VAV1: variants seen among roughly 807,000 people sequenced by gnomAD.
VAV1 encodes the protein proto-oncogene vav.
Under a neutral mutation model 128.1 loss-of-function variants are expected in VAV1, and 33 were observed. The ratio of observed to expected loss-of-function variants is 0.26; its 90% confidence interval spans 0.20 to 0.34. The LOEUF is 0.34. Ranked by LOEUF, VAV1 falls within the 10% of genes least tolerant of loss-of-function variation. VAV1 has a pLI of 1.00. For missense variants in VAV1, 715 were observed against 1,093.7 expected (o/e 0.65, Z 4.88); for synonymous variants, 394 against 409.8 (o/e 0.96, Z 0.47).
intron 26 of VAV1, among the ~76,000 whole-genome samples, chr19:6,856,730 G>GA (rs1222535432): frequency 0.013 from 929 of 68,844 alleles, 9 homozygotes; most frequent in African/African-American, 0.021. Context: ...TCTCAAAAAA[G>GA]AAAAAAAAAA....
At chr19:6,814,689 T>TTTCC (rs1971597044) in intron 1 of VAV1, among the ~76,000 whole-genome samples, 1 of 121,576 alleles carries the variant, frequency 8.2e-6, no homozygotes, top group Non-Finnish European at 1.6e-5. Flanking sequence ...TCTTTCTTTC[T>TTTCC]TTCTTTCTTT....
At chr19:6,784,576 C>T (rs1324162426) in intron 1 of VAV1, among the ~76,000 whole-genome samples, 1 of 151,766 alleles carries the variant, frequency 6.6e-6, no homozygotes, top group Admixed American at 6.6e-5. Context: ...TCACGGCAGC[C>T]TCCGCCTCCC....
At chr19:6,824,158 C>A (rs1971859072) in intron 6 of VAV1, among the ~76,000 whole-genome samples, 1 of 152,044 alleles carries the variant, frequency 6.6e-6, no homozygotes, top group Non-Finnish European at 1.5e-5. Flanking sequence ...CCAGGCTGGT[C>A]TCCTACTCCT....
At chr19:6,853,893 A>G (rs1972726392) in intron 25 of VAV1, 54 bp from the exon 26 acceptor site, 1 of 1,584,336 alleles carries the variant, frequency 6.3e-7, no homozygotes, top group East Asian at 2.2e-5. Context: ...GCCCCCAGAG[A>G]GTGAGTGGGT....
intron 23 of VAV1, among the ~76,000 whole-genome samples, chr19:6,849,873 G>C (rs1184220200): frequency 3.3e-5 from 5 of 152,116 alleles, no homozygotes. Context: ...CTTTGCTATT[G>C]TGAATGCTGC....
At chr19:6,800,823 CA>C (rs1971250630) in intron 1 of VAV1, among the ~76,000 whole-genome samples, 1 of 140,904 alleles carries the variant, frequency 7.1e-6, no homozygotes, top group African/African-American at 2.5e-5. Flanking sequence ...GTCGGGGTTT[CA>C]CCATGTTGCC....
chr19:6,837,156 C>A, intron 21 of VAV1, 106 bp downstream of exon 21: 3 of 1,194,228 alleles, frequency 2.5e-6, no homozygotes, highest in Non-Finnish European at 3.7e-6. Flanking sequence ...AGGGGGCTGC[C>A]CATCATGGCA....
chr19:6,795,344 C>G (rs980354376), intron 1 of VAV1, among the ~76,000 whole-genome samples: 3 of 152,066 alleles, frequency 2.0e-5, no homozygotes, highest in Non-Finnish European at 4.4e-5. Context: ...GAGCAAATGA[C>G]CCTCCTTCTC....
chr19:6,811,293 C>T (rs1449022301), intron 1 of VAV1, among the ~76,000 whole-genome samples: 1 of 152,204 alleles, frequency 6.6e-6, no homozygotes, highest in African/African-American at 2.4e-5. Flanking sequence ...TCTTCGGCCT[C>T]CCATAGTGCT....
chr19:6,817,227 G>T (rs1367210583), intron 1 of VAV1, among the ~76,000 whole-genome samples: 1 of 150,414 alleles, frequency 6.6e-6, no homozygotes, highest in Non-Finnish European at 1.5e-5. Context: ...TTTTTTGTTT[G>T]TTTTTTTGGT....
chr19:6,803,114 A>G (rs1971310072), intron 1 of VAV1, among the ~76,000 whole-genome samples: 1 of 152,166 alleles, frequency 6.6e-6, no homozygotes, highest in Non-Finnish European at 1.5e-5. Flanking sequence ...TTTGCCCAGG[A>G]AAGAATTCCA....
At position 6,852,954 on chromosome 19, in the gene VAV1, C is replaced by A; in HGVS notation, c.2218-11C>A. On this transcript the variant is annotated splice_polypyrimidine_tract_variant and intron_variant, in intron 24 of 26. Transcript: ENST00000602142. Reference sequence around the variant, plus strand: ...GCTGGGATAGCATCTGCCATGTGGTCCGCCTTCTAGGAGCTGGTGGAGTTT... The same window carrying A: ...GCTGGGATAGCATCTGCCATGTGGTACGCCTTCTAGGAGCTGGTGGAGTTT... 2 of 1,605,264 alleles carry A rather than the reference C, an allele frequency of 1.2e-6. No individual in the cohort carries two copies. The highest frequency in any genetic ancestry group is 2.2e-5 in the South Asian group (2 of 90,778).
At chr19:6,787,573 G>GATTTATTTATTTATTTATTTATTT (rs74174839) in intron 1 of VAV1, among the ~76,000 whole-genome samples, 6 of 147,196 alleles carry the variant, frequency 4.1e-5, no homozygotes, top group African/African-American at 1.5e-4. Context: ...AACTACTCCA[G>GATTTATTTATTTATTTATTTATTT]ATTTATTTAT....
At position 6,833,926 on chromosome 19, in the gene VAV1, G is replaced by T; in HGVS notation, c.1750G>T (p.Ala584Ser). 1 of 1,614,072 alleles carries T rather than the reference G, an allele frequency of 6.2e-7. No homozygotes were observed. Among genetic ancestry groups the T allele is most frequent in the Non-Finnish European group, 8.5e-7 (1 of 1,180,034 alleles). The change falls in exon 19 of 27, where the codon GCT (alanine) becomes TCT (serine). Residue 584 changes from alanine to serine, a missense_variant. Ala to Ser is a moderately conservative substitution (Grantham distance 99). Coordinates refer to ENST00000602142, the MANE Select transcript of VAV1 (RefSeq NM_005428.4). ...CTTCCAGGACAAACTACATCGCAGG[G>T]CTCAGGACAAAAAGAGGAATGAGCT... is the stretch of plus-strand genomic sequence containing the variant. ...TMKKDKLHRRAQDKKRNELGL... is the reference protein window; with the variant it reads ...TMKKDKLHRRSQDKKRNELGL...
At chr19:6,850,887 C>A in intron 24 of VAV1, 130 bp downstream of exon 24, 1 of 739,770 alleles carries the variant, frequency 1.4e-6, no homozygotes. Context: ...GTGCAAGTGA[C>A]CTTAAACTTA....
chr19:6,812,598 C>T (rs946211841), intron 1 of VAV1, among the ~76,000 whole-genome samples: 3 of 152,072 alleles, frequency 2.0e-5, no homozygotes, highest in Non-Finnish European at 4.4e-5. Flanking sequence ...TTGCAGTGAG[C>T]CAAGATCACG....
intron 1 of VAV1, among the ~76,000 whole-genome samples, chr19:6,776,226 A>G (rs762951697): frequency 6.6e-5 from 10 of 150,898 alleles, no homozygotes; most frequent in Non-Finnish European, 1.3e-4. Context: ...CCATTTATCC[A>G]TCCACTCATC....
At position 6,828,498 on chromosome 19, in the gene VAV1, G is replaced by T. The variant is rs1478691176; in HGVS notation, c.1092+11G>T. 2 of 1,614,070 alleles carry T rather than the reference G, an allele frequency of 1.2e-6. No individual in the cohort carries two copies. The highest frequency in any genetic ancestry group is 1.7e-6 in the Non-Finnish European group (2 of 1,180,022). On this transcript the variant is annotated intron_variant, in intron 11 of 26. Coordinates refer to ENST00000602142, the MANE Select transcript of VAV1 (RefSeq NM_005428.4). The surrounding 1 kb of genome is among the most constrained non-coding windows in gnomAD (Gnocchi z 4.5). ...CTGGATGCCATGAGGGTGAGTGGGTGTAGGGTGCTGGTGACTCACCTGCTG... is the reference window on the plus strand; with the variant it reads ...CTGGATGCCATGAGGGTGAGTGGGTTTAGGGTGCTGGTGACTCACCTGCTG...
At chr19:6,787,457 G>A (rs940676871) in intron 1 of VAV1, among the ~76,000 whole-genome samples, 9 of 152,164 alleles carry the variant, frequency 5.9e-5, no homozygotes, top group South Asian at 2.1e-4. Flanking sequence ...GATTGCAGGC[G>A]TGAGTCACCG....
Sources: allele counts gnomAD v4.1 joint callset (sites outside exome capture counted in the v4.1 genomes callset), GRCh38; gene constraint gnomAD v4.1.1; non-coding constraint Gnocchi (gnomAD v3.1); transcripts MANE v1.5; gene names NCBI Gene and HGNC (gene_info 2026-07-23, HGNC 2026-07-21).